MYCBP2: variants seen among roughly 807,000 people sequenced by gnomAD.
The protein encoded by MYCBP2 is E3 ubiquitin-protein ligase MYCBP2.
MYCBP2 carries 120 observed loss-of-function variants against 525.3 expected under a neutral mutation model. The observed-to-expected ratio is 0.23, with a 90% CI of 0.20 to 0.27. The LOEUF (loss-of-function observed/expected upper bound fraction) is 0.27. Among genes scored for constraint, MYCBP2 ranks in the 10% least tolerant of loss-of-function variants. The probability of loss-of-function intolerance (pLI) is 1.00; values close to 1 mark genes in which losing one functional copy is unlikely to be tolerated. For missense variants in MYCBP2, 4,149 were observed against 5,657.1 expected, an observed-to-expected ratio of 0.73 and a Z score of 8.55; for synonymous variants, 1,894 against 1,955.8, an observed-to-expected ratio of 0.97 and a Z score of 0.83.
rs9318468 is a variant in MYCBP2 at position 77,165,156 on chromosome 13, A to T, written c.6459+117T>A. On this transcript the variant is annotated intron_variant, in intron 42 of 82. Transcript: ENST00000544440. ...AATTACAGGTGTGAGCCACTGCACC[A>T]GGCCCCAATTTTTCGAATAGAGGCA... 0.78 allele frequency: 629,369 copies of T among 811,788 alleles called. 247,867 individuals carry two copies. The highest frequency in any genetic ancestry group is 0.86 in the Admixed American group (34,408 of 39,860). 50.3% of individuals were successfully genotyped at this position (811,788 alleles called of 1,614,324 possible).
chr13:77,102,049 A>T (rs1480555995), intron 55 of MYCBP2, among the ~76,000 whole-genome samples: 1 of 151,956 alleles, frequency 6.6e-6, no homozygotes, highest in Non-Finnish European at 1.5e-5. Flanking sequence ...AATAATAATG[A>T]CAGGATAGAA....
intron 72 of MYCBP2, 97 bp from the exon 73 acceptor site, chr13:77,064,831 T>C: frequency 2.4e-6 from 3 of 1,230,598 alleles, no homozygotes; most frequent in Non-Finnish European, 3.2e-6. Flanking sequence ...AAAGGAAATA[T>C]TTGTTTTTAG....
chr13:77,262,350 C>T (rs2073437716), intron 10 of MYCBP2, among the ~76,000 whole-genome samples: 2 of 151,902 alleles, frequency 1.3e-5, no homozygotes. Context: ...CAAACCAGTA[C>T]CAAATTAATT....
chr13:77,133,275 A>G (rs1184824223), intron 52 of MYCBP2, among the ~76,000 whole-genome samples: 1 of 152,180 alleles, frequency 6.6e-6, no homozygotes, highest in Non-Finnish European at 1.5e-5. Context: ...TATGCTTAAC[A>G]TCACAGGGTC....
At chr13:77,218,183 T>C (rs2065077293) in intron 20 of MYCBP2, among the ~76,000 whole-genome samples, 1 of 152,194 alleles carries the variant, frequency 6.6e-6, no homozygotes, top group African/African-American at 2.4e-5. Context: ...ATCTTCTAAA[T>C]GTAATTACCC....
In MYCBP2 at chr13:77,088,848, C is replaced by T. The variant is rs2044843767; in HGVS notation, c.10709G>A (p.Arg3570Gln). The T allele has an allele frequency of 3.1e-6, 5 of 1,611,830 alleles. No individual in the cohort carries two copies. In the South Asian group the frequency reaches 3.3e-5, roughly 11 times the overall value. Residue 3570 changes from arginine to glutamine, a missense_variant, in exon 61 of 83, where the codon CGA becomes CAA. Coordinates refer to ENST00000544440, the MANE Select transcript of MYCBP2 (RefSeq NM_015057.5). ...TCTTCATACCTCCATAGCAAAAACT[C>T]GACAAGCAGATTTCCTTAGGGCCTG... is the stretch of plus-strand genomic sequence containing the variant. Reference protein sequence around the residue: ...MKQALRKSACRVFAMEAFNWL... With the variant: ...MKQALRKSACQVFAMEAFNWL...
At chr13:77,323,375 C>T (rs1243897777) in intron 1 of MYCBP2, among the ~76,000 whole-genome samples, 1 of 152,152 alleles carries the variant, frequency 6.6e-6, no homozygotes, top group African/African-American at 2.4e-5. Context: ...ACTGATAACT[C>T]ACTCATCATG....
intron 1 of MYCBP2, among the ~76,000 whole-genome samples, chr13:77,315,698 C>G (rs765844203): frequency 1.3e-5 from 2 of 152,094 alleles, no homozygotes; most frequent in Non-Finnish European, 2.9e-5. Flanking sequence ...AGTTCAAGAC[C>G]AGAGTGGCCA....
In MYCBP2 at chr13:77,294,127, T is replaced by TATATATAC. The variant is rs1350132831; in HGVS notation, c.378+2471_378+2472insGTATATAT. On this transcript the variant is annotated intron_variant, in intron 2 of 82. Transcript: ENST00000544440. ...GGCTATATATATATATATATATATATATACATATATATATACATATATATA... is the reference window on the plus strand; with the variant it reads ...GGCTATATATATATATATATATATATATATATACATACATATATATATACATATATATA... 2.7e-3 allele frequency among the ~76,000 whole-genome samples: 162 copies of TATATATAC among 60,848 alleles called. 7 individuals carry two copies. Among genetic ancestry groups the TATATATAC allele is most frequent in the Non-Finnish European group, 5.0e-3 (130 of 25,922 alleles). 39.9% of individuals were successfully genotyped at this position (60,848 alleles called of 152,430 possible). A position where few individuals can be genotyped will look rare whatever the true frequency, so the allele number is the denominator to read the frequency against.
Position 77,098,557 on chromosome 13 carries a change from C to T in MYCBP2, c.8597G>A (p.Arg2866Gln), listed in dbSNP as rs747005952. 2.5e-6 allele frequency: 4 copies of T among 1,613,458 alleles called. No individual in the cohort carries two copies. Among genetic ancestry groups the T allele is most frequent in the African/African-American group, 1.3e-5 (1 of 74,812 alleles). Residue 2866 changes from arginine to glutamine, a missense_variant, in exon 56 of 83, where the codon CGG (arginine) becomes CAG (glutamine). By Grantham distance (43) the Arg-to-Gln change is conservative (BLOSUM62 1). Transcript: ENST00000544440. The stretch of plus-strand genomic sequence containing the variant: ...GTAAGAGTCTGATTTAGAACGTTCC[C>T]GAGGAGGATCAAGCTTTGTCTTAAC... ...APVKTKLDPP[R>Q]ERSKSDSYTL...
chr13:77,123,769 A>G (rs2051161841), intron 54 of MYCBP2, among the ~76,000 whole-genome samples: 1 of 152,184 alleles, frequency 6.6e-6, no homozygotes, highest in South Asian at 2.1e-4. Context: ...AGTCCTTTAG[A>G]AGTCACCTAA....
intron 37 of MYCBP2, 54 bp downstream of exon 37, chr13:77,174,257 T>C: frequency 6.5e-7 from 1 of 1,547,462 alleles, no homozygotes; most frequent in South Asian, 1.2e-5. Flanking sequence ...GGTAGTAGAC[T>C]GTGTATGTTC....
chr13:77,213,406 C>T (rs963166288), intron 21 of MYCBP2, among the ~76,000 whole-genome samples: 3 of 151,702 alleles, frequency 2.0e-5, no homozygotes, highest in Non-Finnish European at 2.9e-5. Context: ...ATCTGGGAGC[C>T]GGAGGTTTCA....
chr13:77,244,494 C>T (rs778179101), intron 15 of MYCBP2, among the ~76,000 whole-genome samples: 1 of 152,150 alleles, frequency 6.6e-6, no homozygotes, highest in African/African-American at 2.4e-5. Flanking sequence ...CCCTTCCTTA[C>T]ACCTTATACA....
At chr13:77,242,771 T>C (rs893211342) in intron 17 of MYCBP2, among the ~76,000 whole-genome samples, 5 of 152,230 alleles carry the variant, frequency 3.3e-5, no homozygotes, top group African/African-American at 1.2e-4. Flanking sequence ...CTAATAGTTA[T>C]TGATAGTAGG....
At chr13:77,169,865 A>G in intron 38 of MYCBP2, 151 bp from the exon 39 acceptor site, 1 of 677,922 alleles carries the variant, frequency 1.5e-6, no homozygotes, top group Non-Finnish European at 2.6e-6. Context: ...GTACTATTCT[A>G]AAGGCTTTTG....
chr13:77,126,649 A>T (rs924337199), intron 52 of MYCBP2, 107 bp from the exon 53 acceptor site: 3 of 711,368 alleles, frequency 4.2e-6, no homozygotes, highest in Non-Finnish European at 6.7e-6. Flanking sequence ...CTGTCAATAT[A>T]AAAAAAACAC....
At chr13:77,132,149 A>G (rs2052992512) in intron 52 of MYCBP2, among the ~76,000 whole-genome samples, 1 of 152,126 alleles carries the variant, frequency 6.6e-6, no homozygotes, top group South Asian at 2.1e-4. Context: ...TTAACCATAT[A>G]AGAACAGCAC....
In MYCBP2 at chr13:77,081,762, T is replaced by A. The variant is rs142463744; in HGVS notation, c.11193+75A>T. 3.2e-6 allele frequency: 5 copies of A among 1,542,594 alleles called. No individual in the cohort carries two copies. Among genetic ancestry groups the A allele is most frequent in the Non-Finnish European group, 2.6e-6 (3 of 1,142,326 alleles). Reference sequence around the variant, plus strand: ...ATGGAAGACAGGATCAAATTGATTATGAATAACTTACAGTTTCTCCTTTGA... The same window carrying A: ...ATGGAAGACAGGATCAAATTGATTAAGAATAACTTACAGTTTCTCCTTTGA... On this transcript the variant is annotated intron_variant, in intron 64 of 82. Coordinates refer to ENST00000544440, the MANE Select transcript of MYCBP2 (RefSeq NM_015057.5). This position sits in a 1 kb window ranked among gnomAD's most constrained non-coding sequence, Gnocchi z 4.6.
Sources: gnomAD v4.1 joint callset for allele counts (sites outside exome capture counted in the v4.1 genomes callset) on GRCh38, gnomAD v4.1.1 for gene constraint, Gnocchi (gnomAD v3.1) non-coding constraint, MANE v1.5 for transcripts, NCBI Gene and HGNC (gene_info 2026-07-23, HGNC 2026-07-21) for gene names.